Variants in ASTN2 observed in about 807,000 individuals in gnomAD.
ASTN2 encodes the protein astrotactin-2.
Under a neutral mutation model 139.8 loss-of-function variants are expected in ASTN2, and 54 were observed. That is an observed-to-expected ratio of 0.39 (90% CI 0.31 to 0.48). The LOEUF (loss-of-function observed/expected upper bound fraction) is 0.48. Among genes scored for constraint, ASTN2 ranks in the 20% least tolerant of loss-of-function variants. The pLI, the probability that ASTN2 is intolerant of heterozygous loss-of-function variation, is 0.95. For missense variants in ASTN2, 1,565 were observed against 1,725.1 expected (o/e 0.91, Z 1.64); for synonymous variants, 756 against 719.5 (o/e 1.05, Z -0.81).
At chr9:116,805,298 A>G (rs1021642968) in intron 13 of ASTN2, among the ~76,000 whole-genome samples, 1 of 152,196 alleles carries the variant, frequency 6.6e-6, no homozygotes, top group Non-Finnish European at 1.5e-5. Context: ...AGCATGCATA[A>G]AATACTTATT....
chr9:116,790,832 G>T lies in ASTN2; in HGVS notation c.2396+14800C>A, dbSNP rs1195053243. 2.7e-5 allele frequency among the ~76,000 whole-genome samples: 4 copies of T among 150,692 alleles called. No homozygotes were observed. In the South Asian group the frequency reaches 8.4e-4, roughly 32 times the overall value. On this transcript the variant is annotated intron_variant, in intron 13 of 22. Coordinates refer to ENST00000313400, the MANE Select transcript of ASTN2 (RefSeq NM_001365068.1). The stretch of plus-strand genomic sequence containing the variant: ...TGGGATTACAGGCATGCGCCACCAC[G>T]CTGGGCTAATTCTTGTATTTTTACT...
At chr9:117,204,697 C>T (rs1452652779) in intron 3 of ASTN2, among the ~76,000 whole-genome samples, 3 of 152,120 alleles carry the variant, frequency 2.0e-5, no homozygotes, top group Non-Finnish European at 4.4e-5. Flanking sequence ...ATTTGGAGTT[C>T]ATTTATCATT....
chr9:116,553,718 T>C (rs28411124), intron 19 of ASTN2, among the ~76,000 whole-genome samples: 26,518 of 152,122 alleles, frequency 0.17, 2,661 homozygotes, highest in African/African-American at 0.26. Flanking sequence ...ACCACAGCAC[T>C]TACCTAGCAC....
At chr9:117,010,670 A>G (rs941370638) in intron 6 of ASTN2, among the ~76,000 whole-genome samples, 5 of 127,298 alleles carry the variant, frequency 3.9e-5, no homozygotes, top group Non-Finnish European at 1.8e-5. Context: ...GAATCATCAG[A>G]AAACAGACTC....
At chr9:116,607,595 G>C (rs987032533) in intron 19 of ASTN2, among the ~76,000 whole-genome samples, 2 of 150,936 alleles carry the variant, frequency 1.3e-5, no homozygotes, top group African/African-American at 2.4e-5. Flanking sequence ...AAGAATCTTG[G>C]ATTTCTATTT....
intron 4 of ASTN2, among the ~76,000 whole-genome samples, chr9:117,103,993 T>TGCCAGGCACG (rs1321148920): frequency 3.7e-5 from 3 of 80,846 alleles, no homozygotes; most frequent in Admixed American, 2.7e-4. Context: ...GGCCAGGCAC[T>TGCCAGGCACG]TTACACAGAG....
chr9:117,227,969 T>G (rs1485141521), intron 2 of ASTN2, among the ~76,000 whole-genome samples: 1 of 152,128 alleles, frequency 6.6e-6, no homozygotes, highest in Non-Finnish European at 1.5e-5. Flanking sequence ...CATAGGACTT[T>G]AGTGAAAGAG....
chr9:116,561,376 G>A (rs903169612), intron 19 of ASTN2, among the ~76,000 whole-genome samples: 18 of 152,184 alleles, frequency 1.2e-4, no homozygotes, highest in African/African-American at 1.7e-4. Context: ...AATTCAAGTA[G>A]AATAAAATAT....
At chr9:116,882,031 T>C (rs1799244610) in intron 10 of ASTN2, among the ~76,000 whole-genome samples, 1 of 152,206 alleles carries the variant, frequency 6.6e-6, no homozygotes, top group African/African-American at 2.4e-5. Flanking sequence ...GATTCCTAAT[T>C]TCTTTTGGAA....
At chr9:116,749,670 A>G (rs1248766833) in intron 13 of ASTN2, among the ~76,000 whole-genome samples, 2 of 152,192 alleles carry the variant, frequency 1.3e-5, no homozygotes, top group Non-Finnish European at 2.9e-5. Context: ...TCCAAATCCC[A>G]TGTGGAAACA....
Position 116,699,487 on chromosome 9 carries a change from G to A in ASTN2, c.2806+26284C>T. ...GATTTCCGCTGCATTGCTGGCATGT[G>A]TGTGGATGCTCGTGGTGATCTCATC... On this transcript the variant is annotated intron_variant, in intron 16 of 22. Coordinates refer to ENST00000313400, the MANE Select transcript of ASTN2 (RefSeq NM_001365068.1). This position sits in a 1 kb window ranked among gnomAD's most constrained non-coding sequence, Gnocchi z 4.2. 3 of 1,614,230 alleles carry A rather than the reference G, an allele frequency of 1.9e-6. No homozygotes were observed. Among genetic ancestry groups the A allele is most frequent in the Non-Finnish European group, 1.7e-6 (2 of 1,180,046 alleles).
chr9:116,512,098 G>T (rs527261881), intron 19 of ASTN2, among the ~76,000 whole-genome samples: 8 of 152,242 alleles, frequency 5.3e-5, no homozygotes, highest in African/African-American at 1.4e-4. Flanking sequence ...TGATGTTAGG[G>T]TGTCAATTTT....
At chr9:117,258,352 A>T (rs560124205) in intron 2 of ASTN2, among the ~76,000 whole-genome samples, 1 of 152,246 alleles carries the variant, frequency 6.6e-6, no homozygotes, top group South Asian at 2.1e-4. Flanking sequence ...TTAATGTTGC[A>T]AATTGTTACC....
intron 3 of ASTN2, among the ~76,000 whole-genome samples, chr9:117,176,614 G>A (rs1298985345): frequency 2.0e-5 from 3 of 152,130 alleles, no homozygotes; most frequent in East Asian, 1.9e-4. Context: ...TAAAGATGAA[G>A]CCAAGGGAAA....
chr9:117,012,915 C>G (rs1266615354), intron 6 of ASTN2, among the ~76,000 whole-genome samples: 1 of 152,208 alleles, frequency 6.6e-6, no homozygotes, highest in Admixed American at 6.5e-5. Flanking sequence ...CTGCAGCAGG[C>G]TCTGGTTGAG....
intron 3 of ASTN2, among the ~76,000 whole-genome samples, chr9:117,203,025 G>T (rs1378693016): frequency 1.3e-5 from 2 of 151,862 alleles, no homozygotes; most frequent in Non-Finnish European, 2.9e-5. Context: ...TGCAGGCTTT[G>T]TTAATTCTTT....
At chr9:116,544,382 C>A (rs1015750731) in intron 19 of ASTN2, among the ~76,000 whole-genome samples, 5 of 152,178 alleles carry the variant, frequency 3.3e-5, no homozygotes, top group Non-Finnish European at 5.9e-5. Flanking sequence ...AGATGTTTTG[C>A]ATCGAAAATC....
At chr9:116,458,540 AG>A (rs960861829) in intron 20 of ASTN2, among the ~76,000 whole-genome samples, 19 of 151,980 alleles carry the variant, frequency 1.3e-4, no homozygotes, top group African/African-American at 4.1e-4. Flanking sequence ...TTAAAAAATA[AG>A]TTCAGTCAAG....
At chr9:116,801,142 C>T (rs1242864926) in intron 13 of ASTN2, among the ~76,000 whole-genome samples, 1 of 152,012 alleles carries the variant, frequency 6.6e-6, no homozygotes, top group Non-Finnish European at 1.5e-5. Context: ...CCAGAGATTA[C>T]TTAGAGGAGG....
Sources: gnomAD v4.1 joint callset for allele counts (sites outside exome capture counted in the v4.1 genomes callset) on GRCh38, gnomAD v4.1.1 for gene constraint, Gnocchi (gnomAD v3.1) non-coding constraint, MANE v1.5 for transcripts, NCBI Gene and HGNC (gene_info 2026-07-23, HGNC 2026-07-21) for gene names.